MARK1: variants seen among roughly 807,000 people sequenced by gnomAD.
The protein encoded by MARK1 is serine/threonine-protein kinase MARK1.
In MARK1, 40 loss-of-function variants were observed where a neutral mutation model predicts 96.3. That is an observed-to-expected ratio of 0.42 (90% confidence interval 0.32 to 0.54). The LOEUF is 0.54. Ranked by LOEUF, MARK1 falls within the 20% of genes least tolerant of loss-of-function variation. MARK1 has a pLI of 0.16. For missense variants in MARK1, 719 were observed against 984.6 expected, an observed-to-expected ratio of 0.73 and a Z score of 3.61; for synonymous variants, 317 against 341.2, an observed-to-expected ratio of 0.93 and a Z score of 0.78.
At position 220,618,758 on chromosome 1, in the gene MARK1, A is replaced by T. The variant is rs371020097; in HGVS notation, c.909+3A>T. 6.4e-7 allele frequency: 1 copy of T among 1,568,796 alleles called. No individual in the cohort carries two copies. The highest frequency in any genetic ancestry group is 1.4e-5 in the African/African-American group (1 of 72,220). ...CAATAAAGAGAGGCAGCTTGGAAGT[A>T]AGTAAATTTTTGTACTCCAAATTTA... On this transcript the variant is annotated splice_donor_region_variant and intron_variant, in intron 9 of 17. Coordinates refer to ENST00000366917, the MANE Select transcript of MARK1 (RefSeq NM_018650.5). The surrounding 1 kb of genome is among the most constrained non-coding windows in gnomAD (Gnocchi z 4.6).
intron 7 of MARK1, among the ~76,000 whole-genome samples, chr1:220,616,508 A>G (rs1666758070): frequency 6.6e-6 from 1 of 152,210 alleles, no homozygotes; most frequent in South Asian, 2.1e-4. Flanking sequence ...GAAAGTGGAA[A>G]CACCCTGGAC....
At chr1:220,603,137 C>T (rs1008924605) in intron 5 of MARK1, among the ~76,000 whole-genome samples, 4 of 151,914 alleles carry the variant, frequency 2.6e-5, no homozygotes, top group Admixed American at 2.0e-4. Context: ...CACTTTAAGC[C>T]ATTTTGTGAG....
At chr1:220,594,937 G>T (rs566122496) in intron 3 of MARK1, among the ~76,000 whole-genome samples, 35 of 152,280 alleles carry the variant, frequency 2.3e-4, no homozygotes, top group South Asian at 4.1e-4. Flanking sequence ...ATACTAAAAT[G>T]ATGGGTACAT....
At chr1:220,598,494 G>A in intron 4 of MARK1, 115 bp downstream of exon 4, 1 of 185,650 alleles carries the variant, frequency 5.4e-6, no homozygotes, top group Non-Finnish European at 1.2e-5. Flanking sequence ...TATTTAAGCA[G>A]AAGAAAAGTG....
intron 7 of MARK1, among the ~76,000 whole-genome samples, chr1:220,616,467 C>G (rs1015220844): frequency 6.6e-6 from 1 of 152,154 alleles, no homozygotes; most frequent in East Asian, 1.9e-4. Flanking sequence ...TGTAGTTAGT[C>G]AATAAATGGT....
chr1:220,604,213 T>C (rs1665928709), intron 6 of MARK1, 76 bp downstream of exon 6: 2 of 788,076 alleles, frequency 2.5e-6, no homozygotes, highest in Admixed American at 4.9e-5. Context: ...CAAACTGGAC[T>C]TCACAGCACA....
chr1:220,637,172 C>G (rs1668011641), intron 13 of MARK1, among the ~76,000 whole-genome samples: 1 of 151,996 alleles, frequency 6.6e-6, no homozygotes. Flanking sequence ...AGAAATGAAT[C>G]TAGAATGTTG....
At chr1:220,615,894 C>T (rs2786599) in intron 6 of MARK1, 45 bp from the exon 7 acceptor site, 1,002,796 of 1,018,024 alleles carry the variant, frequency 0.99, 495,377 homozygotes, top group East Asian at 1. Flanking sequence ...GGGAAAATTG[C>T]GTTTTTTTAA....
At chr1:220,538,152 C>T (rs1660859211) in intron 1 of MARK1, among the ~76,000 whole-genome samples, 1 of 150,726 alleles carries the variant, frequency 6.6e-6, no homozygotes, top group Non-Finnish European at 1.5e-5. Flanking sequence ...AGTCCTTGCC[C>T]ATGCCTATGT....
At chr1:220,595,970 T>C (rs1237514688) in intron 3 of MARK1, among the ~76,000 whole-genome samples, 1 of 152,182 alleles carries the variant, frequency 6.6e-6, no homozygotes, top group African/African-American at 2.4e-5. Context: ...GACAGACATA[T>C]GGAGCTGGGG....
At chr1:220,562,491 A>G (rs1242741487) in intron 1 of MARK1, among the ~76,000 whole-genome samples, 1 of 152,078 alleles carries the variant, frequency 6.6e-6, no homozygotes, top group Admixed American at 6.6e-5. Flanking sequence ...AAAAACAAAA[A>G]CAGTAGCTAA....
At chr1:220,568,691 G>A (rs947067645) in intron 1 of MARK1, among the ~76,000 whole-genome samples, 8 of 152,084 alleles carry the variant, frequency 5.3e-5, no homozygotes, top group Non-Finnish European at 8.8e-5. Context: ...TCTCTTCTGT[G>A]TCTTGTGTAA....
chr1:220,581,429 A>T (rs1210093150), intron 3 of MARK1, among the ~76,000 whole-genome samples: 3 of 152,200 alleles, frequency 2.0e-5, no homozygotes, highest in Non-Finnish European at 2.9e-5. Context: ...ATTTTCAAGT[A>T]TTCAGAATTG....
intron 16 of MARK1, 47 bp downstream of exon 16, chr1:220,653,399 A>T (rs767642230): frequency 1.5e-5 from 23 of 1,569,166 alleles, no homozygotes; most frequent in Non-Finnish European, 2.0e-5. Flanking sequence ...AGAAATTATA[A>T]AGGAAACTAG....
chr1:220,612,782 A>G (rs530054312), intron 6 of MARK1, among the ~76,000 whole-genome samples: 4 of 152,286 alleles, frequency 2.6e-5, no homozygotes, highest in Middle Eastern at 6.8e-3. Context: ...GTATGTATTA[A>G]TACTGTGTCA....
intron 9 of MARK1, among the ~76,000 whole-genome samples, chr1:220,621,707 T>G (rs1435285146): frequency 2.0e-5 from 3 of 152,082 alleles, no homozygotes; most frequent in Non-Finnish European, 4.4e-5. Flanking sequence ...ATCATGAATG[T>G]TTTTTCAGTG....
chr1:220,586,552 G>A (rs150058006), intron 3 of MARK1, among the ~76,000 whole-genome samples: 13 of 152,014 alleles, frequency 8.6e-5, no homozygotes, highest in Middle Eastern at 3.4e-3. Flanking sequence ...TTTGTTTGTT[G>A]ACACTTTTTG....
At chr1:220,568,563 A>T (rs1308130547) in intron 1 of MARK1, among the ~76,000 whole-genome samples, 2 of 152,142 alleles carry the variant, frequency 1.3e-5, no homozygotes, top group Non-Finnish European at 2.9e-5. Flanking sequence ...TGTGAATAAA[A>T]TGGGGATCTG....
intron 4 of MARK1, 131 bp from the exon 5 acceptor site, chr1:220,599,667 C>T: frequency 2.2e-6 from 1 of 462,874 alleles, no homozygotes. Flanking sequence ...ACTTTTTGAA[C>T]TTAAAATTGT....
Sources: gnomAD v4.1 joint callset for allele counts (sites outside exome capture counted in the v4.1 genomes callset) on GRCh38, gnomAD v4.1.1 for gene constraint, Gnocchi (gnomAD v3.1) non-coding constraint, MANE v1.5 for transcripts, NCBI Gene and HGNC (gene_info 2026-07-23, HGNC 2026-07-21) for gene names.